CSMD1: variants seen among roughly 807,000 people sequenced by gnomAD.
The protein encoded by CSMD1 is CUB and sushi domain-containing protein 1.
A neutral mutation model predicts 417.5 loss-of-function variants in CSMD1; 213 were observed. The observed-to-expected ratio is 0.51, with a 90% confidence interval of 0.46 to 0.57. CSMD1 has a LOEUF of 0.57. CSMD1 is among the 20% of genes least tolerant of loss of function. The pLI, the probability that CSMD1 is intolerant of heterozygous loss-of-function variation, is 0.00. For missense variants in CSMD1, 6,923 were observed against 4,529.7 expected, an observed-to-expected ratio of 1.53 and a Z score of -15.17; for synonymous variants, 2,862 against 1,736.8, an observed-to-expected ratio of 1.65 and a Z score of -16.11.
At chr8:3,410,709 A>G (rs551243322) in intron 12 of CSMD1, among the ~76,000 whole-genome samples, 10 of 152,276 alleles carry the variant, frequency 6.6e-5, no homozygotes, top group African/African-American at 1.7e-4. Context: ...AGACTAATAC[A>G]GGGGTTATGT....
At chr8:4,810,629 G>A (rs1798843445) in intron 1 of CSMD1, among the ~76,000 whole-genome samples, 1 of 152,138 alleles carries the variant, frequency 6.6e-6, no homozygotes, top group Non-Finnish European at 1.5e-5. Context: ...AGGAAAATAT[G>A]CAGATAATAT....
At chr8:3,704,565 G>A (rs1801058943) in intron 7 of CSMD1, among the ~76,000 whole-genome samples, 1 of 152,202 alleles carries the variant, frequency 6.6e-6, no homozygotes, top group Admixed American at 6.5e-5. Flanking sequence ...TAAAAGCTTT[G>A]TAATTCAGCT....
In CSMD1 at chr8:4,031,896, G is replaced by A. The variant is rs950790636; in HGVS notation, c.610+9C>T. The A allele has an allele frequency of 1.9e-6, 3 of 1,608,822 alleles. No homozygotes were observed. Among genetic ancestry groups the A allele is most frequent in the African/African-American group, 2.7e-5 (2 of 74,906 alleles). On this transcript the variant is annotated intron_variant, in intron 4 of 69. Transcript: ENST00000635120. Reference sequence around the variant, plus strand: ...GAGTCTGCTCACCAGCCCCCTTGTAGCACTGTACCTCTGCAAAAGGGAGCT... The same window carrying A: ...GAGTCTGCTCACCAGCCCCCTTGTAACACTGTACCTCTGCAAAAGGGAGCT...
chr8:3,976,360 A>G (rs1446707803), intron 5 of CSMD1, among the ~76,000 whole-genome samples: 1 of 152,220 alleles, frequency 6.6e-6, no homozygotes, highest in African/African-American at 2.4e-5. Flanking sequence ...AACTATCATG[A>G]CGTTGATGAA....
chr8:3,099,796 G>A (rs1421224767), intron 46 of CSMD1, among the ~76,000 whole-genome samples: 1 of 152,092 alleles, frequency 6.6e-6, no homozygotes, highest in Non-Finnish European at 1.5e-5. Flanking sequence ...TCTTAGGAAA[G>A]ACAAAATGAA....
At chr8:3,609,708 T>C (rs1801793690) in intron 8 of CSMD1, among the ~76,000 whole-genome samples, 1 of 147,018 alleles carries the variant, frequency 6.8e-6, no homozygotes, top group African/African-American at 2.5e-5. Flanking sequence ...TTGGATTACA[T>C]GTTAGTCATT....
rs368654365 is a variant in CSMD1, at chr8:4,070,463, T to C, written c.416-38364A>G. On this transcript the variant is annotated intron_variant, in intron 3 of 69. Coordinates refer to ENST00000635120, the MANE Select transcript of CSMD1 (RefSeq NM_033225.6). ...AGCTCCGCCTCCCGGGTTCACACCA[T>C]TCTCCCACCTCAGCCTCCCGAGTAG... Among the ~76,000 whole-genome samples, 22 of 152,274 alleles carry C rather than the reference T, an allele frequency of 1.4e-4. No homozygotes were observed. In the South Asian group the frequency reaches 3.3e-3, roughly 23 times the overall value.
intron 23 of CSMD1, among the ~76,000 whole-genome samples, chr8:3,338,719 AT>A (rs201272616): frequency 0.015 from 2,190 of 150,770 alleles, 54 homozygotes; most frequent in African/African-American, 0.05. Context: ...AAAGGGCTTT[AT>A]TTTTTTCTTT....
rs1448754051 is a variant in CSMD1 at position 3,288,982 on chromosome 8, CT to C, written c.3951-4637del. ...CTAATGCTATCCCTCCCCACTCCCCCTACCCCACAACAGTCCCCGGTGTGTG... is the reference window on the plus strand; with the variant it reads ...CTAATGCTATCCCTCCCCACTCCCCCACCCCACAACAGTCCCCGGTGTGTG... On this transcript the variant is annotated intron_variant, in intron 25 of 69. Transcript: ENST00000635120. 4.2e-5 allele frequency among the ~76,000 whole-genome samples: 6 copies of C among 144,562 alleles called. No homozygotes were observed. The East Asian group carries it at 1.2e-3, about 29-fold the overall frequency. 94.8% of individuals were successfully genotyped at this position (144,562 alleles called of 152,430 possible).
chr8:3,786,466 G>A (rs532919645), intron 5 of CSMD1, among the ~76,000 whole-genome samples: 3 of 152,280 alleles, frequency 2.0e-5, no homozygotes, highest in African/African-American at 7.2e-5. Context: ...ATAAGGGGAA[G>A]CAGGAGGAAT....
chr8:3,349,882 T>TATATTTATA (rs1808284945), intron 21 of CSMD1, among the ~76,000 whole-genome samples: 2 of 14,336 alleles, frequency 1.4e-4, no homozygotes, highest in South Asian at 0.17. Context: ...TTTATATCTA[T>TATATTTATA]ATATATATTT....
Position 3,909,238 on chromosome 8 carries a change from G to C in CSMD1, c.818+88665C>G, listed in dbSNP as rs148508471. ...TATCCTCTCAACCTCGTCCTGGCTT[G>C]GAGGAGATGTAGACCCAAAAGGTGT... On this transcript the variant is annotated intron_variant, in intron 5 of 69. Transcript: ENST00000635120. Among the ~76,000 whole-genome samples, 72 of 152,270 alleles carry C rather than the reference G, an allele frequency of 4.7e-4. 1 individual carries two copies. Among genetic ancestry groups the C allele is most frequent in the Non-Finnish European group, 4.9e-4 (33 of 68,008 alleles).
At chr8:4,786,994 G>C (rs750429382) in intron 1 of CSMD1, among the ~76,000 whole-genome samples, 2 of 152,194 alleles carry the variant, frequency 1.3e-5, no homozygotes, top group Non-Finnish European at 2.9e-5. Context: ...AGACTGGAGA[G>C]ACCCCGTGTG....
intron 3 of CSMD1, among the ~76,000 whole-genome samples, chr8:4,115,918 C>T (rs10282839): frequency 0.99 from 150,325 of 151,956 alleles, 74,381 homozygotes; most frequent in East Asian, 1. Context: ...TTGCCAGTGA[C>T]TGGGGGCAGG....
intron 3 of CSMD1, among the ~76,000 whole-genome samples, chr8:4,293,968 G>T (rs1488361502): frequency 6.6e-6 from 1 of 151,846 alleles, no homozygotes; most frequent in African/African-American, 2.4e-5. Flanking sequence ...TCTAAAGCTG[G>T]TGCTTTTTGA....
chr8:4,140,196 A>AAAT (rs1554466805), intron 3 of CSMD1, among the ~76,000 whole-genome samples: 1 of 150,112 alleles, frequency 6.7e-6, no homozygotes, highest in Non-Finnish European at 1.5e-5. Context: ...CTAAAACCAC[A>AAAT]AAACAAATAA....
In CSMD1 at chr8:2,987,190, G is replaced by A. The variant is rs952902621; in HGVS notation, c.8378-8390C>T. On this transcript the variant is annotated intron_variant, in intron 54 of 69. Coordinates refer to ENST00000635120, the MANE Select transcript of CSMD1 (RefSeq NM_033225.6). ...GCATTTAGCATTTGCAGGTCAAGAA[G>A]AAAGGCAAGTTAACTCTCTGAGCTA... 3.9e-5 allele frequency among the ~76,000 whole-genome samples: 6 copies of A among 151,980 alleles called. No homozygotes were observed. In the South Asian group the frequency reaches 1.2e-3, roughly 31 times the overall value.
chr8:4,328,572 A>T (rs543103333), intron 3 of CSMD1, among the ~76,000 whole-genome samples: 2 of 152,220 alleles, frequency 1.3e-5, no homozygotes, highest in Non-Finnish European at 1.5e-5. Flanking sequence ...CAACAATTTA[A>T]AAAAATGAAA....
intron 2 of CSMD1, among the ~76,000 whole-genome samples, chr8:4,627,546 C>G (rs1802190168): frequency 6.6e-6 from 1 of 152,068 alleles, no homozygotes; most frequent in African/African-American, 2.4e-5. Flanking sequence ...TTTTGAAAGA[C>G]AATGTAAAAT....
Sources: gnomAD v4.1 joint callset for allele counts (sites outside exome capture counted in the v4.1 genomes callset) on GRCh38, gnomAD v4.1.1 for gene constraint, MANE v1.5 for transcripts, NCBI Gene and HGNC (gene_info 2026-07-23, HGNC 2026-07-21) for gene names.